Variants in ZNF140 observed in about 807,000 individuals in gnomAD.
ZNF140 encodes the protein zinc finger protein 140 (clone pHZ-39).
Under a neutral mutation model 12.9 loss-of-function variants are expected in ZNF140, and 13 were observed. The ratio of observed to expected loss-of-function variants is 1.01; its 90% CI spans 0.66 to 1.60. The LOEUF is 1.60. Ranked by LOEUF, ZNF140 falls within the 40% of genes most tolerant of loss-of-function variation. ZNF140 has a pLI of 0.00. For synonymous variants in ZNF140, 214 were observed against 186.7 expected (o/e 1.15, Z -1.19); for missense variants, 531 against 548.8 (o/e 0.97, Z 0.32).
Position 133,093,366 on chromosome 12 carries a change from C to A in ZNF140, c.232+9805C>A, listed in dbSNP as rs1318824990. The A allele has an allele frequency of 8.7e-6, 6 of 686,330 alleles. No individual in the cohort carries two copies. The South Asian group carries it at 9.2e-5, about 10-fold the overall frequency. The allele number at this position is 686,330 out of a possible 1,614,324, so 42.5% of individuals were successfully genotyped here. ...ACCACCGTTGATACAATCATTAAAGCTGCAAGCAGCATATTCTCTGGAGTT... is the reference window on the plus strand; with the variant it reads ...ACCACCGTTGATACAATCATTAAAGATGCAAGCAGCATATTCTCTGGAGTT... On this transcript the variant is annotated intron_variant, in intron 4 of 4. Transcript: ENST00000355557.
chr12:133,081,396 G>C, intron 2 of ZNF140, 67 bp downstream of exon 2: 1 of 167,018 alleles, frequency 6.0e-6, no homozygotes, highest in Non-Finnish European at 1.1e-5. Flanking sequence ...TTTTAAGAGA[G>C]AGACAGGGTC....
At chr12:133,099,480 A>G (rs1955258389) in intron 4 of ZNF140, among the ~76,000 whole-genome samples, 1 of 152,174 alleles carries the variant, frequency 6.6e-6, no homozygotes, top group Non-Finnish European at 1.5e-5. Flanking sequence ...CCCGGCCAAT[A>G]CATTGTTATT....
At chr12:133,081,498 G>A (rs1267441368) in intron 2 of ZNF140, 169 bp downstream of exon 2, 6 of 458,242 alleles carry the variant, frequency 1.3e-5, no homozygotes, top group African/African-American at 6.0e-5. Context: ...GCCTGTTTCC[G>A]CTTTTCTTTG....
Position 133,105,937 on chromosome 12 carries a change from G to A in ZNF140, c.660G>A (p.Lys220=). The change falls in exon 5 of 5, where the codon AAG becomes AAA. Residue 220 remains lysine (K), a synonymous_variant. Coordinates refer to ENST00000355557, the MANE Select transcript of ZNF140 (RefSeq NM_003440.4). ...CTGGAAAGAAACCCCATGAGTGTAA[G>A]GACTGTAATAAAACATTCAGTTACC... The part of the protein sequence containing the change: ...IHTGKKPHEC[K]DCNKTFSYLS... 6.2e-7 allele frequency: 1 copy of A among 1,614,096 alleles called. No individual in the cohort carries two copies. The highest frequency in any genetic ancestry group is 1.1e-5 in the South Asian group (1 of 91,072).
rs1954449913 is a variant in ZNF140 at position 133,080,955 on chromosome 12, G to A, written c.-166G>A. 6.4e-6 allele frequency: 1 copy of A among 156,904 alleles called. No homozygotes were observed. Among genetic ancestry groups the A allele is most frequent in the Admixed American group, 6.5e-5 (1 of 15,366 alleles). 9.7% of individuals were successfully genotyped at this position (156,904 alleles called of 1,614,324 possible). ...CTGTGTTGGCTGTAGGCAACGAAAG[G>A]AGCCCTCCCGGTCTGCGCCGGATGG... On this transcript the variant is annotated 5_prime_UTR_variant, in exon 1 of 5. Transcript: ENST00000355557.
chr12:133,099,550 C>T (rs1955261033), intron 4 of ZNF140, among the ~76,000 whole-genome samples: 2 of 152,136 alleles, frequency 1.3e-5, no homozygotes, highest in African/African-American at 4.8e-5. Context: ...AGGCTGGGTG[C>T]AGTGGCTCAC....
At chr12:133,091,511 C>T (rs1954890640) in intron 4 of ZNF140, among the ~76,000 whole-genome samples, 1 of 150,786 alleles carries the variant, frequency 6.6e-6, no homozygotes, top group East Asian at 1.9e-4. Flanking sequence ...TACATAGGCA[C>T]AGTGACAGTC....
At chr12:133,101,061 T>A (rs1419989943) in intron 4 of ZNF140, 1 of 416,134 alleles carries the variant, frequency 2.4e-6, no homozygotes, top group Non-Finnish European at 4.7e-6. Flanking sequence ...TAGGTAAGGT[T>A]TTTTTCCTTT....
Position 133,106,185 on chromosome 12 carries a change from G to C in ZNF140, c.908G>C (p.Cys303Ser), listed in dbSNP as rs148674170. ...ITHTGEKPYE[C>S]IECGKAFRRF... ...CATACTGGAGAGAAACCTTATGAAT[G>C]CATTGAATGTGGGAAGGCATTTCGC... The change falls in exon 5 of 5, where the codon TGC (cysteine) becomes TCC (serine). Residue 303 changes from cysteine to serine, a missense_variant. Physicochemically the swap from Cys to Ser is moderately radical, Grantham distance 112. Transcript: ENST00000355557. 57 of 1,614,174 alleles carry C rather than the reference G, an allele frequency of 3.5e-5. No homozygotes were observed. In the African/African-American group the frequency reaches 7.5e-4, roughly 21 times the overall value.
chr12:133,100,033 T>C (rs2137561367), intron 4 of ZNF140, among the ~76,000 whole-genome samples: 1 of 152,052 alleles, frequency 6.6e-6, no homozygotes, highest in South Asian at 2.1e-4. Flanking sequence ...TCCTCCCCTA[T>C]CTTCAGGGGA....
intron 4 of ZNF140, among the ~76,000 whole-genome samples, chr12:133,097,991 A>C (rs1955198529): frequency 6.6e-6 from 1 of 151,840 alleles, no homozygotes; most frequent in African/African-American, 2.4e-5. Flanking sequence ...CCACCACCAC[A>C]CCTGGCTAAT....
intron 4 of ZNF140, among the ~76,000 whole-genome samples, chr12:133,096,629 G>C (rs1201312487): frequency 3.3e-5 from 5 of 152,044 alleles, no homozygotes; most frequent in Non-Finnish European, 7.4e-5. Flanking sequence ...TTTCTTGTTT[G>C]TGTTACTTAG....
intron 4 of ZNF140, among the ~76,000 whole-genome samples, chr12:133,097,915 C>T (rs949665578): frequency 1.8e-4 from 27 of 151,408 alleles, no homozygotes; most frequent in African/African-American, 5.1e-4. Context: ...TGGCTCACTG[C>T]GACCTCCCCC....
rs1954469600 is a variant in ZNF140 at position 133,081,280 on chromosome 12, A to G, written c.-41A>G. The G allele has an allele frequency of 1.3e-5, 20 of 1,538,858 alleles. No individual in the cohort carries two copies. The highest frequency in any genetic ancestry group is 1.2e-4 in the South Asian group (11 of 89,110). On this transcript the variant is annotated 5_prime_UTR_variant, in exon 2 of 5. Coordinates refer to ENST00000355557, the MANE Select transcript of ZNF140 (RefSeq NM_003440.4). ...CCTTTCTCTCTCTGCCAGGTCTGCC[A>G]TTTTACACTTTTCTGATCTCCTCCT...
At chr12:133,102,177 G>C (rs1280026910) in intron 4 of ZNF140, among the ~76,000 whole-genome samples, 3 of 152,182 alleles carry the variant, frequency 2.0e-5, no homozygotes, top group Non-Finnish European at 4.4e-5. Flanking sequence ...AGGATGGCTA[G>C]AAGGGGCTGG....
Position 133,106,912 on chromosome 12 carries a change from GAGA to G in ZNF140, c.*265_*267del. The G allele has an allele frequency of 3.4e-6, 1 of 290,462 alleles. No individual in the cohort carries two copies. The highest frequency in any genetic ancestry group is 6.4e-6 in the Non-Finnish European group (1 of 155,768). The allele number at this position is 290,462 out of a possible 1,614,324, so 18.0% of individuals were successfully genotyped here. On this transcript the variant is annotated 3_prime_UTR_variant, in exon 5 of 5. Transcript: ENST00000355557. ...GAAGATTCTTCCATCTGGTAATGTT[GAGA>G]AGACTTCATTTGGTAGGAGTCCCTT...
intron 4 of ZNF140, among the ~76,000 whole-genome samples, chr12:133,083,820 C>G (rs904001126): frequency 1.3e-5 from 2 of 151,974 alleles, no homozygotes; most frequent in Non-Finnish European, 2.9e-5. Context: ...ATTTGCCGGG[C>G]TTGGTGGCGG....
chr12:133,095,020 G>A (rs1955018390), intron 4 of ZNF140, among the ~76,000 whole-genome samples: 1 of 151,048 alleles, frequency 6.6e-6, no homozygotes, highest in Admixed American at 6.6e-5. Flanking sequence ...GCTTTCAGGG[G>A]CATCAGAAAC....
At chr12:133,093,826 C>T (rs1954978471) in intron 4 of ZNF140, among the ~76,000 whole-genome samples, 1 of 150,936 alleles carries the variant, frequency 6.6e-6, no homozygotes, top group African/African-American at 2.5e-5. Context: ...CACACTTTAT[C>T]TCCAGTTTCA....
Sources: allele counts gnomAD v4.1 joint callset (sites outside exome capture counted in the v4.1 genomes callset), GRCh38; gene constraint gnomAD v4.1.1; transcripts MANE v1.5; gene names NCBI Gene and HGNC (gene_info 2026-07-23, HGNC 2026-07-21).